Variants in ZCCHC8 observed in about 807,000 individuals in gnomAD.
The protein encoded by ZCCHC8 is zinc finger CCHC domain-containing protein 8.
ZCCHC8 carries 27 observed loss-of-function variants against 70.6 expected under a neutral mutation model. The ratio of observed to expected loss-of-function variants is 0.38; its 90% CI spans 0.28 to 0.53. ZCCHC8 has a LOEUF of 0.53. Among genes scored for constraint, ZCCHC8 ranks in the 20% least tolerant of loss-of-function variants. The pLI is 0.81. For synonymous variants in ZCCHC8, 293 were observed against 317.4 expected (o/e 0.92, Z 0.82); for missense variants, 737 against 876.9 (o/e 0.84, Z 2.01).
At position 122,500,302 on chromosome 12, in the gene ZCCHC8, A is replaced by T. The variant is rs1014703644; in HGVS notation, c.199+340T>A. On this transcript the variant is annotated intron_variant, in intron 1 of 13. Coordinates refer to ENST00000633063, the MANE Select transcript of ZCCHC8 (RefSeq NM_017612.5). The surrounding 1 kb of genome is among the most constrained non-coding windows in gnomAD (Gnocchi z 4.8). ...GCGTGGCTGCGAAATATGAAACCTCACCACGACCTCAAACAGAGGGGGGCA... is the reference window on the plus strand; with the variant it reads ...GCGTGGCTGCGAAATATGAAACCTCTCCACGACCTCAAACAGAGGGGGGCA... 8 of 266,806 alleles carry T rather than the reference A, an allele frequency of 3.0e-5. No individual in the cohort carries two copies. The highest frequency in any genetic ancestry group is 5.0e-5 in the Non-Finnish European group (7 of 140,538). The allele number at this position is 266,806 out of a possible 1,614,324, so 16.5% of individuals were successfully genotyped here. A position where few individuals can be genotyped will look rare whatever the true frequency, so the allele number is the denominator to read the frequency against.
rs769021220 is a variant in ZCCHC8 at position 122,500,796 on chromosome 12, C to A, written c.45G>T (p.Pro15=). ...GAATCGACTCCTCTGGGTGGTCGAA[C>A]GGCTCGAAGAGCTCTAGATCGCCAA... ...VYFGDLELFE[P]FDHPEESIPK... is the part of the protein sequence containing the mutation. Residue 15 remains proline, a synonymous_variant, in exon 1 of 14, where the codon CCG becomes CCT. Transcript: ENST00000633063. The surrounding 1 kb of genome is among the most constrained non-coding windows in gnomAD (Gnocchi z 4.8). 6.3e-6 allele frequency: 10 copies of A among 1,584,100 alleles called. No individual in the cohort carries two copies. In the South Asian group the frequency reaches 9.2e-5, roughly 15 times the overall value.
Position 122,473,956 on chromosome 12 carries a change from G to A in ZCCHC8, c.1665C>T (p.Ala555=), listed in dbSNP as rs879089118. 4 of 1,607,586 alleles carry A rather than the reference G, an allele frequency of 2.5e-6. No homozygotes were observed. Among genetic ancestry groups the A allele is most frequent in the African/African-American group, 1.3e-5 (1 of 74,448 alleles). ...CTAGCTCATTTGGACAAGGTGATGAGGCAACGGAATTGCCAGTTAAAGGTG... is the reference window on the plus strand; with the variant it reads ...CTAGCTCATTTGGACAAGGTGATGAAGCAACGGAATTGCCAGTTAAAGGTG... The part of the protein sequence containing the change: ...VDTPLTGNSV[A]SSPCPNELDL... Residue 555 remains alanine, a synonymous_variant, in exon 14 of 14, where the codon GCC becomes GCT. Transcript: ENST00000633063.
chr12:122,492,516 G>T (rs1957765256), intron 3 of ZCCHC8, among the ~76,000 whole-genome samples, 199 bp downstream of exon 3: 1 of 152,120 alleles, frequency 6.6e-6, no homozygotes, highest in African/African-American at 2.4e-5. Flanking sequence ...CACAGACATA[G>T]AAAGTAAGAG....
rs1425281536 is a variant in ZCCHC8 at position 122,478,311 on chromosome 12, G to C, written c.1141-19C>G. On this transcript the variant is annotated intron_variant, in intron 11 of 13. Coordinates refer to ENST00000633063, the MANE Select transcript of ZCCHC8 (RefSeq NM_017612.5). Reference sequence around the variant, plus strand: ...TCCATTCCTAATGATGAAAAGAGAAGGAAAAAAAAAACACATGTATTTGGA... The same window carrying C: ...TCCATTCCTAATGATGAAAAGAGAACGAAAAAAAAAACACATGTATTTGGA... The C allele has an allele frequency of 5.2e-6, 8 of 1,524,324 alleles. No homozygotes were observed. The highest frequency in any genetic ancestry group is 7.1e-6 in the Non-Finnish European group (8 of 1,130,592). The allele number at this position is 1,524,324 out of a possible 1,614,324, so 94.4% of individuals were successfully genotyped here.
chr12:122,482,176 T>A, intron 8 of ZCCHC8, 89 bp from the exon 9 acceptor site: 1 of 1,352,108 alleles, frequency 7.4e-7, no homozygotes, highest in Non-Finnish European at 9.8e-7. Flanking sequence ...TTAGATCAAG[T>A]AAACAGATTA....
rs1240430582 is a variant in ZCCHC8, at chr12:122,483,626, AGATTAT to A, written c.502-69_502-64del. The A allele has an allele frequency of 2.5e-6, 3 of 1,217,696 alleles. No homozygotes were observed. The East Asian group carries it at 7.6e-5, about 31-fold the overall frequency. 75.4% of individuals were successfully genotyped at this position (1,217,696 alleles called of 1,614,324 possible). ...AGAAAAAAAGACATTAAATAATGTA[AGATTAT>A]GATTAACTGTTTTAACAATTTATTT... On this transcript the variant is annotated intron_variant, in intron 5 of 13. Transcript: ENST00000633063. The surrounding 1 kb of genome is among the most constrained non-coding windows in gnomAD (Gnocchi z 4.4).
intron 5 of ZCCHC8, among the ~76,000 whole-genome samples, chr12:122,487,123 C>T (rs1315081276): frequency 1.3e-5 from 2 of 152,194 alleles, no homozygotes; most frequent in Admixed American, 6.5e-5. Flanking sequence ...ATCCAAGGTT[C>T]GGTTCAGAGA....
chr12:122,500,443 G>A lies in ZCCHC8; in HGVS notation c.199+199C>T. On this transcript the variant is annotated intron_variant, in intron 1 of 13. Transcript: ENST00000633063. The surrounding 1 kb of genome is among the most constrained non-coding windows in gnomAD (Gnocchi z 4.8). Reference sequence around the variant, plus strand: ...GGAGACGGCCTCCCTGAGGGGAAGAGGTCTGCGCCGAGGCAGCCTGCGCGC... The same window carrying A: ...GGAGACGGCCTCCCTGAGGGGAAGAAGTCTGCGCCGAGGCAGCCTGCGCGC... 1.5e-6 allele frequency: 1 copy of A among 683,688 alleles called. No homozygotes were observed. The highest frequency in any genetic ancestry group is 2.4e-6 in the Non-Finnish European group (1 of 418,600). The allele number at this position is 683,688 out of a possible 1,614,324, so 42.4% of individuals were successfully genotyped here.
intron 2 of ZCCHC8, among the ~76,000 whole-genome samples, chr12:122,495,514 AAAAC>A (rs1308958043): frequency 6.6e-6 from 1 of 152,124 alleles, no homozygotes; most frequent in Non-Finnish European, 1.5e-5. Flanking sequence ...AACAGAAAGT[AAAAC>A]AAACAAACAA....
In ZCCHC8 at chr12:122,492,650, T is replaced by C; in HGVS notation, c.317+65A>G. On this transcript the variant is annotated intron_variant, in intron 3 of 13. Coordinates refer to ENST00000633063, the MANE Select transcript of ZCCHC8 (RefSeq NM_017612.5). ...GATATGAGTACAAATGAAAACAGCA[T>C]ATTTATAGAGAAAATTGTTCCATAA... 3 of 1,054,788 alleles carry C rather than the reference T, an allele frequency of 2.8e-6. No individual in the cohort carries two copies. In the South Asian group the frequency reaches 4.4e-5, roughly 16 times the overall value. 65.3% of individuals were successfully genotyped at this position (1,054,788 alleles called of 1,614,324 possible).
intron 12 of ZCCHC8, 34 bp from the exon 13 acceptor site, chr12:122,477,992 C>T (rs199613263): frequency 1.8e-5 from 27 of 1,510,192 alleles, no homozygotes; most frequent in South Asian, 3.4e-5. Context: ...ACAAGTTAAG[C>T]GGGGTAGATA....
chr12:122,498,717 A>G, intron 2 of ZCCHC8, 110 bp downstream of exon 2: 3 of 1,069,580 alleles, frequency 2.8e-6, no homozygotes, highest in Non-Finnish European at 4.2e-6. Flanking sequence ...CTAAACAAAT[A>G]AAAATGATAC....
intron 13 of ZCCHC8, among the ~76,000 whole-genome samples, chr12:122,475,100 T>A (rs935234699): frequency 6.6e-6 from 1 of 152,084 alleles, no homozygotes. Flanking sequence ...CAGGCTGGAG[T>A]GCAGTGGCAT....
intron 13 of ZCCHC8, among the ~76,000 whole-genome samples, chr12:122,477,429 C>T (rs1957440209): frequency 1.3e-5 from 2 of 149,026 alleles, no homozygotes; most frequent in Admixed American, 1.3e-4. Context: ...GCTGGGATTA[C>T]AGGCGTGAGC....
chr12:122,497,371 A>G (rs1309895452), intron 2 of ZCCHC8, among the ~76,000 whole-genome samples: 1 of 151,340 alleles, frequency 6.6e-6, no homozygotes, highest in Non-Finnish European at 1.5e-5. Context: ...GTGAAGCCCC[A>G]TCTCTACTAA....
chr12:122,498,683 T>G (rs1455354122), intron 2 of ZCCHC8, 144 bp downstream of exon 2: 1 of 779,866 alleles, frequency 1.3e-6, no homozygotes, highest in African/African-American at 1.8e-5. Context: ...TAAATAACTA[T>G]TACTTTGATT....
At chr12:122,499,642 C>G (rs1957884749) in intron 1 of ZCCHC8, 1 of 152,020 alleles carries the variant, frequency 6.6e-6, no homozygotes, top group South Asian at 2.1e-4. Context: ...TGGAGGAAGA[C>G]GACATTCTGA....
chr12:122,483,761 GT>G lies in ZCCHC8; in HGVS notation c.502-199del. On this transcript the variant is annotated intron_variant, in intron 5 of 13. Coordinates refer to ENST00000633063, the MANE Select transcript of ZCCHC8 (RefSeq NM_017612.5). The surrounding 1 kb of genome is among the most constrained non-coding windows in gnomAD (Gnocchi z 4.4). ...TCAGTTCCCTCTCTCTGCTAGATCAGTTTTTCCTCTGTATTGGATCATGACT... is the reference window on the plus strand; with the variant it reads ...TCAGTTCCCTCTCTCTGCTAGATCAGTTTTCCTCTGTATTGGATCATGACT... The G allele has an allele frequency of 1.6e-5, 9 of 563,140 alleles. 1 individual carries two copies. The South Asian group carries it at 1.8e-4, about 11-fold the overall frequency. The allele number at this position is 563,140 out of a possible 1,614,324, so 34.9% of individuals were successfully genotyped here.
chr12:122,496,978 C>T (rs192941581), intron 2 of ZCCHC8, among the ~76,000 whole-genome samples: 6 of 152,126 alleles, frequency 3.9e-5, no homozygotes, highest in Admixed American at 2.0e-4. Context: ...AACCCCATCT[C>T]TACTAAAAAT....
Sources: gnomAD v4.1 joint callset for allele counts (sites outside exome capture counted in the v4.1 genomes callset) on GRCh38, gnomAD v4.1.1 for gene constraint, Gnocchi (gnomAD v3.1) non-coding constraint, MANE v1.5 for transcripts, NCBI Gene and HGNC (gene_info 2026-07-23, HGNC 2026-07-21) for gene names.